The following C1QTNF3 variants were observed in gnomAD, a reference collection of about 807,000 sequenced individuals.
C1QTNF3 encodes the protein C1q and TNF related 3.
A neutral mutation model predicts 32.6 loss-of-function variants in C1QTNF3; 26 were observed. The ratio of observed to expected loss-of-function variants is 0.80; its 90% CI spans 0.58 to 1.11. C1QTNF3 has a LOEUF of 1.11. Ranked by LOEUF, C1QTNF3 falls within the 50% of genes least tolerant of loss-of-function variation. The pLI is 0.00. For synonymous variants in C1QTNF3, 155 were observed against 146.0 expected (o/e 1.06, Z -0.44); for missense variants, 362 against 398.2 (o/e 0.91, Z 0.77).
At position 34,043,088 on chromosome 5, in the gene C1QTNF3, G is replaced by A. The variant is rs971247603; in HGVS notation, c.38C>T (p.Ala13Val). Residue 13 changes from alanine (A) to valine (V), a missense_variant, in exon 1 of 6, where the codon GCT becomes GTT. Ala to Val is a moderately conservative substitution (Grantham distance 64). Coordinates refer to ENST00000382065, the MANE Select transcript of C1QTNF3 (RefSeq NM_181435.6). ...WRQLIYWQLL[A>V]LFFLPFCLCQ... ...CAGGCAAAAAGGGAGGAAAAACAAA[G>A]CCAGCAGTTGCCAATAGATGAGCTG... The A allele has an allele frequency of 1.9e-6, 3 of 1,613,586 alleles. No homozygotes were observed. The East Asian group carries it at 6.7e-5, about 36-fold the overall frequency.
intron 4 of C1QTNF3, among the ~76,000 whole-genome samples, chr5:34,027,030 A>G (rs540970652): frequency 6.6e-6 from 1 of 152,308 alleles, no homozygotes; most frequent in Admixed American, 6.5e-5. Flanking sequence ...ATAGTATTGT[A>G]CCTAGGTTCA....
At chr5:34,074,950 T>C in the C1QTNF3 span, among the ~76,000 whole-genome samples, 15 of 151,822 alleles carry the variant, frequency 9.9e-5, 1 homozygote, top group Non-Finnish European at 1.3e-4. Flanking sequence ...AAGTGTATAT[T>C]TGGATTTCTA....
At chr5:34,031,091 TA>T (rs1404029811) in intron 3 of C1QTNF3, among the ~76,000 whole-genome samples, 1 of 150,272 alleles carries the variant, frequency 6.7e-6, no homozygotes, top group Non-Finnish European at 1.5e-5. Context: ...GAATAAAAGT[TA>T]AAAAAAAAGA....
At chr5:34,075,903 G>A in the C1QTNF3 span, among the ~76,000 whole-genome samples, 4 of 130,634 alleles carry the variant, frequency 3.1e-5, no homozygotes, top group Non-Finnish European at 1.7e-5. Flanking sequence ...GTGTGTGTGT[G>A]TATACACACA....
the C1QTNF3 span, among the ~76,000 whole-genome samples, chr5:34,078,960 C>G: frequency 1.3e-5 from 2 of 151,564 alleles, no homozygotes; most frequent in East Asian, 1.9e-4. This position sits in a 1 kb window ranked among gnomAD's most constrained non-coding sequence, Gnocchi z 4.0. Context: ...ACAAATGGCC[C>G]TTTTCCATCT....
intron 1 of C1QTNF3, among the ~76,000 whole-genome samples, chr5:34,039,577 G>T (rs1344209061): frequency 8.5e-5 from 13 of 152,156 alleles, no homozygotes; most frequent in Admixed American, 8.5e-4. Flanking sequence ...ACCCTACGTG[G>T]AAGGGTGTGT....
intron 3 of C1QTNF3, 152 bp downstream of exon 3, chr5:34,033,152 G>A: frequency 1.2e-6 from 1 of 803,370 alleles, no homozygotes; most frequent in Non-Finnish European, 2.0e-6. Flanking sequence ...TGGGCCTTAT[G>A]CAAACATCCT....
the C1QTNF3 span, among the ~76,000 whole-genome samples, chr5:34,195,318 A>G: frequency 2.8e-5 from 4 of 141,500 alleles, no homozygotes; most frequent in African/African-American, 1.1e-4. Context: ...AGGAATATAT[A>G]TAATCTGAAA....
At chr5:34,147,302 C>T in the C1QTNF3 span, among the ~76,000 whole-genome samples, 20 of 152,330 alleles carry the variant, frequency 1.3e-4, no homozygotes, top group Non-Finnish European at 2.6e-4. Context: ...GCAATCCTAT[C>T]ATTGCATATA....
At chr5:34,167,254 A>G in the C1QTNF3 span, 1 of 152,030 alleles carries the variant, frequency 6.6e-6, no homozygotes, top group Non-Finnish European at 1.5e-5. Flanking sequence ...CATAGCCCCC[A>G]CTCATCTAAT....
At chr5:34,107,716 T>G in the C1QTNF3 span, among the ~76,000 whole-genome samples, 4 of 151,998 alleles carry the variant, frequency 2.6e-5, no homozygotes, top group African/African-American at 9.7e-5. Flanking sequence ...AAGAAACAGA[T>G]GACTGACAGT....
At chr5:34,090,952 C>T in the C1QTNF3 span, among the ~76,000 whole-genome samples, 4 of 152,166 alleles carry the variant, frequency 2.6e-5, no homozygotes, top group Admixed American at 1.3e-4. Flanking sequence ...AGCTCCATTT[C>T]CTCTATTTAG....
At chr5:34,054,380 G>A in the C1QTNF3 span, among the ~76,000 whole-genome samples, 1 of 152,230 alleles carries the variant, frequency 6.6e-6, no homozygotes, top group East Asian at 1.9e-4. Context: ...CTCTATCCAG[G>A]GGCCAGTAGA....
chr5:34,219,717 AAAG>A, the C1QTNF3 span, among the ~76,000 whole-genome samples: 1 of 152,128 alleles, frequency 6.6e-6, no homozygotes, highest in African/African-American at 2.4e-5. Context: ...TATTTTGATA[AAAG>A]AAGGGAAAAA....
At chr5:34,026,551 C>T (rs1004806625) in intron 4 of C1QTNF3, among the ~76,000 whole-genome samples, 1 of 151,466 alleles carries the variant, frequency 6.6e-6, no homozygotes, top group African/African-American at 2.4e-5. Flanking sequence ...GCTTCAGAAG[C>T]TTTCATGGAC....
At chr5:34,166,938 A>T in the C1QTNF3 span, 1 of 152,196 alleles carries the variant, frequency 6.6e-6, no homozygotes, top group Admixed American at 6.5e-5. Context: ...GCTAAACCTA[A>T]TGAAGACCAA....
At chr5:34,137,097 T>G in the C1QTNF3 span, among the ~76,000 whole-genome samples, 1 of 151,308 alleles carries the variant, frequency 6.6e-6, no homozygotes, top group Non-Finnish European at 1.5e-5. Flanking sequence ...GTATACCTAT[T>G]TATCAAACTT....
At chr5:34,177,613 A>G in the C1QTNF3 span, among the ~76,000 whole-genome samples, 1 of 149,472 alleles carries the variant, frequency 6.7e-6, no homozygotes, top group Non-Finnish European at 1.5e-5. Context: ...TAGCCTCCTG[A>G]GTAGCTGGGA....
At chr5:34,059,585 C>T in the C1QTNF3 span, among the ~76,000 whole-genome samples, 1 of 152,148 alleles carries the variant, frequency 6.6e-6, no homozygotes, top group East Asian at 1.9e-4. Flanking sequence ...CTGAGGTCTC[C>T]TTTATAGGGG....
Sources: gnomAD v4.1 joint callset for allele counts (sites outside exome capture counted in the v4.1 genomes callset) on GRCh38, gnomAD v4.1.1 for gene constraint, Gnocchi (gnomAD v3.1) non-coding constraint, MANE v1.5 for transcripts, NCBI Gene and HGNC (gene_info 2026-07-23, HGNC 2026-07-21) for gene names.